PTPRD: variants seen among roughly 807,000 people sequenced by gnomAD.
The protein encoded by PTPRD is protein tyrosine phosphatase receptor type D, also known as receptor-type tyrosine-protein phosphatase delta.
In PTPRD, 34 loss-of-function variants were observed where a neutral mutation model predicts 214.5. That is an observed-to-expected ratio of 0.16 (90% confidence interval 0.12 to 0.21). The LOEUF is 0.21. Among genes scored for constraint, PTPRD ranks in the 10% least tolerant of loss-of-function variants. PTPRD has a pLI of 1.00. For missense variants in PTPRD, 2,545 were observed against 2,398.7 expected, an observed-to-expected ratio of 1.06 and a Z score of -1.27; for synonymous variants, 1,128 against 845.7, an observed-to-expected ratio of 1.33 and a Z score of -5.79.
intron 39 of PTPRD, among the ~76,000 whole-genome samples, chr9:8,369,951 A>T (rs1416626760): frequency 1.3e-5 from 2 of 152,106 alleles, no homozygotes; most frequent in African/African-American, 2.4e-5. Flanking sequence ...ACTAGAATAT[A>T]GTCTTTATAG....
chr9:9,818,710 G>C (rs376514412), intron 5 of PTPRD, among the ~76,000 whole-genome samples: 1 of 152,008 alleles, frequency 6.6e-6, no homozygotes, highest in Non-Finnish European at 1.5e-5. Flanking sequence ...GAGGTCAGGA[G>C]TTCGAAGTCA....
chr9:9,943,278 A>C (rs2091950114), intron 4 of PTPRD, among the ~76,000 whole-genome samples: 1 of 152,144 alleles, frequency 6.6e-6, no homozygotes, highest in Non-Finnish European at 1.5e-5. Flanking sequence ...AGAGGGCTGC[A>C]GTGGAGGTTT....
At chr9:9,682,470 A>G (rs1379580113) in intron 7 of PTPRD, among the ~76,000 whole-genome samples, 3 of 151,788 alleles carry the variant, frequency 2.0e-5, no homozygotes, top group Non-Finnish European at 2.9e-5. Context: ...CAAGAAGAAA[A>G]TTTGTTGTTG....
chr9:10,490,668 C>T (rs183208105), intron 2 of PTPRD, among the ~76,000 whole-genome samples: 1 of 152,070 alleles, frequency 6.6e-6, no homozygotes, highest in Non-Finnish European at 1.5e-5. Flanking sequence ...ATGTAAGTTA[C>T]AGTTTTCCTC....
At chr9:9,729,746 T>G (rs1334982869) in intron 7 of PTPRD, among the ~76,000 whole-genome samples, 1 of 151,618 alleles carries the variant, frequency 6.6e-6, no homozygotes, top group East Asian at 1.9e-4. Flanking sequence ...TCAAATGGTT[T>G]GCAACAAAAA....
intron 8 of PTPRD, among the ~76,000 whole-genome samples, chr9:9,425,003 G>A (rs1038862638): frequency 6.6e-6 from 1 of 152,162 alleles, no homozygotes; most frequent in African/African-American, 2.4e-5. Flanking sequence ...GATTTCAGCA[G>A]AAGTGTTATT....
At chr9:9,236,616 G>C (rs2099966907) in intron 9 of PTPRD, among the ~76,000 whole-genome samples, 1 of 113,360 alleles carries the variant, frequency 8.8e-6, no homozygotes, top group Non-Finnish European at 1.8e-5. Flanking sequence ...TGAATTATTT[G>C]TTTGAATTCA....
At chr9:8,740,018 CT>C (rs1277110384) in intron 11 of PTPRD, among the ~76,000 whole-genome samples, 1 of 152,136 alleles carries the variant, frequency 6.6e-6, no homozygotes, top group Admixed American at 6.5e-5. Context: ...TCAGGTATGT[CT>C]TTATCAACAG....
intron 8 of PTPRD, among the ~76,000 whole-genome samples, chr9:9,495,586 C>T (rs1318714247): frequency 2.0e-5 from 3 of 152,040 alleles, no homozygotes; most frequent in Non-Finnish European, 4.4e-5. Flanking sequence ...AGTGACTAGA[C>T]CTCGGGGAAG....
At chr9:9,191,874 G>C (rs1297763785) in intron 9 of PTPRD, among the ~76,000 whole-genome samples, 2 of 151,990 alleles carry the variant, frequency 1.3e-5, no homozygotes, top group East Asian at 3.9e-4. Context: ...TGGAATGTTG[G>C]GGGTATTTTG....
chr9:9,535,856 G>A (rs534336419), intron 8 of PTPRD, among the ~76,000 whole-genome samples: 2 of 152,146 alleles, frequency 1.3e-5, no homozygotes, highest in Admixed American at 6.6e-5. Context: ...ACACACAGGA[G>A]AAGGAGGTAC....
intron 11 of PTPRD, among the ~76,000 whole-genome samples, chr9:8,994,721 C>G (rs2099390089): frequency 6.6e-6 from 1 of 151,694 alleles, no homozygotes; most frequent in African/African-American, 2.4e-5. Context: ...AGGGAAAAAG[C>G]ATGAATAAAG....
chr9:10,551,223 C>G (rs997038208), intron 2 of PTPRD, among the ~76,000 whole-genome samples: 3 of 152,130 alleles, frequency 2.0e-5, no homozygotes, highest in Non-Finnish European at 4.4e-5. Context: ...CTTGTAGTCC[C>G]AGCTACTTGG....
chr9:8,486,422 G>T, intron 27 of PTPRD, 73 bp from the exon 28 acceptor site: 1 of 1,276,498 alleles, frequency 7.8e-7, no homozygotes, highest in South Asian at 1.2e-5. Context: ...CCAAATGAGG[G>T]AGTTCCACTC....
At chr9:8,962,364 G>A (rs1040990155) in intron 11 of PTPRD, among the ~76,000 whole-genome samples, 1 of 152,058 alleles carries the variant, frequency 6.6e-6, no homozygotes, top group African/African-American at 2.4e-5. Context: ...GCTAATATGT[G>A]CCACCTTGGG....
chr9:9,757,876 G>A (rs1377213259), intron 6 of PTPRD, among the ~76,000 whole-genome samples: 1 of 151,810 alleles, frequency 6.6e-6, no homozygotes, highest in African/African-American at 2.4e-5. Flanking sequence ...TGCCATTATT[G>A]ACTTCACTTC....
rs1009112583 is a variant in PTPRD, at chr9:10,138,564, T to C, written c.-544-104774A>G. Among the ~76,000 whole-genome samples the C allele has an allele frequency of 3.3e-5, 5 of 152,086 alleles. No individual in the cohort carries two copies. In the East Asian group the frequency reaches 9.6e-4, roughly 29 times the overall value. ...GAGGATGCACTATTCTCTAATTCTA[T>C]GAAGCCAACATCATCCTGAAACCAA... On this transcript the variant is annotated intron_variant, in intron 3 of 45. Transcript: ENST00000381196.
At chr9:10,111,444 T>A (rs1458418345) in intron 3 of PTPRD, among the ~76,000 whole-genome samples, 1 of 151,648 alleles carries the variant, frequency 6.6e-6, no homozygotes, top group Non-Finnish European at 1.5e-5. Context: ...TTCACCGTTT[T>A]AGCCGGGATG....
At chr9:9,961,129 A>G (rs532464704) in intron 4 of PTPRD, among the ~76,000 whole-genome samples, 1 of 152,168 alleles carries the variant, frequency 6.6e-6, no homozygotes, top group Admixed American at 6.5e-5. Context: ...TGAATTACTG[A>G]TATCACTTGT....
Sources: allele counts gnomAD v4.1 joint callset (sites outside exome capture counted in the v4.1 genomes callset), GRCh38; gene constraint gnomAD v4.1.1; transcripts MANE v1.5; gene names NCBI Gene and HGNC (gene_info 2026-07-23, HGNC 2026-07-21).